The following WT1 variants were observed in gnomAD, a reference collection of about 807,000 sequenced individuals.
WT1 encodes the protein Wilms tumor protein.
A neutral mutation model predicts 60.8 loss-of-function variants in WT1; 8 were observed. The observed-to-expected ratio is 0.13, with a 90% CI of 0.08 to 0.24. WT1 has a LOEUF of 0.24. WT1 is among the 10% of genes least tolerant of loss of function. The pLI, the probability that WT1 is intolerant of heterozygous loss-of-function variation, is 1.00. For missense variants in WT1, 568 were observed against 711.8 expected, an observed-to-expected ratio of 0.80 and a Z score of 2.30; for synonymous variants, 312 against 297.1, an observed-to-expected ratio of 1.05 and a Z score of -0.52.
At chr11:32,413,636 C>A (rs1273167623) in intron 5 of WT1, among the ~76,000 whole-genome samples, 1 of 152,144 alleles carries the variant, frequency 6.6e-6, no homozygotes, top group African/African-American at 2.4e-5. Flanking sequence ...TCTAGTACAT[C>A]ACAATCAGCA....
At chr11:32,416,835 T>C (rs1852689648) in intron 4 of WT1, among the ~76,000 whole-genome samples, 1 of 152,106 alleles carries the variant, frequency 6.6e-6, no homozygotes, top group African/African-American at 2.4e-5. Flanking sequence ...TTGGTTTACT[T>C]ATCTGTAAAC....
chr11:32,434,182 C>T (rs959513209), intron 1 of WT1, among the ~76,000 whole-genome samples: 2 of 152,250 alleles, frequency 1.3e-5, no homozygotes, highest in Middle Eastern at 3.2e-3. Flanking sequence ...TAAGTGTGTG[C>T]CAACACCGTA....
intron 4 of WT1, among the ~76,000 whole-genome samples, chr11:32,416,773 G>A (rs2133033962): frequency 6.6e-6 from 1 of 152,310 alleles, no homozygotes; most frequent in South Asian, 2.1e-4. Flanking sequence ...TGGCATCCCA[G>A]CTCTAGCACT....
chr11:32,391,278 G>A lies in WT1; in HGVS notation c.1447+694C>T, dbSNP rs550687286. 2.4e-4 allele frequency among the ~76,000 whole-genome samples: 36 copies of A among 152,242 alleles called. No homozygotes were observed. The South Asian group carries it at 2.5e-3, about 11-fold the overall frequency. The stretch of plus-strand genomic sequence containing the variant: ...ATTACAGGCATGAGCCACCACAGCC[G>A]GTCCTACCTTACTCTACTTACAAGC... On this transcript the variant is annotated intron_variant, in intron 9 of 9. Coordinates refer to ENST00000452863, the MANE Select transcript of WT1 (RefSeq NM_024426.6).
At chr11:32,414,093 G>A (rs967804856) in intron 5 of WT1, among the ~76,000 whole-genome samples, 2 of 152,162 alleles carry the variant, frequency 1.3e-5, no homozygotes, top group African/African-American at 2.4e-5. Flanking sequence ...GCGGAAATTC[G>A]TGGATTTACA....
intron 3 of WT1, among the ~76,000 whole-genome samples, chr11:32,419,700 A>G (rs902326091): frequency 2.0e-5 from 3 of 152,134 alleles, no homozygotes; most frequent in South Asian, 4.1e-4. Flanking sequence ...GAAAATAAAC[A>G]TTTTTTTCCG....
In WT1 at chr11:32,396,307, T is replaced by C; in HGVS notation, c.1214A>G (p.Lys405Arg). ...TAAGTGGGACAGCTTAAAATATCTC[T>C]TATTGCAGCCTGGGTAAGCACACAT... Residue 405 changes from lysine (K) to arginine (R), a missense_variant, in exon 7 of 10, where the codon AAG (lysine) becomes AGG (arginine). Physicochemically the swap from Lys to Arg is conservative, Grantham distance 26. This residue lies in a region of WT1 where 523 missense variants were observed against 565.1 expected (regional missense o/e 0.93). Coordinates refer to ENST00000452863, the MANE Select transcript of WT1 (RefSeq NM_024426.6). The C allele has an allele frequency of 1.2e-6, 2 of 1,614,120 alleles. No individual in the cohort carries two copies. Among genetic ancestry groups the C allele is most frequent in the East Asian group, 4.5e-5 (2 of 44,874 alleles).
chr11:32,402,297 A>G (rs1852181689), intron 5 of WT1, among the ~76,000 whole-genome samples: 1 of 152,230 alleles, frequency 6.6e-6, no homozygotes, highest in Admixed American at 6.5e-5. Flanking sequence ...GCCAAACCCA[A>G]AGAACATATG....
chr11:32,433,630 C>T (rs930347798), intron 1 of WT1, among the ~76,000 whole-genome samples: 1 of 152,242 alleles, frequency 6.6e-6, no homozygotes, highest in Admixed American at 6.5e-5. Context: ...ACCGAACTGG[C>T]TTAGGTTCTC....
chr11:32,425,938 C>G (rs1853020553), intron 3 of WT1, among the ~76,000 whole-genome samples: 1 of 152,180 alleles, frequency 6.6e-6, no homozygotes, highest in Admixed American at 6.5e-5. Context: ...TCCCTAGCAA[C>G]CACAAAATCA....
chr11:32,416,120 T>C (rs1852660584), intron 5 of WT1, among the ~76,000 whole-genome samples: 1 of 152,134 alleles, frequency 6.6e-6, no homozygotes, highest in Admixed American at 6.5e-5. Flanking sequence ...GATTTAAAGG[T>C]AAATAAAGAA....
At chr11:32,414,012 A>G (rs1056366628) in intron 5 of WT1, among the ~76,000 whole-genome samples, 4 of 152,240 alleles carry the variant, frequency 2.6e-5, no homozygotes, top group African/African-American at 9.6e-5. Context: ...GGAAACATGT[A>G]CAGCCCCTCA....
At position 32,388,284 on chromosome 11, in the gene WT1, T is replaced by G. The variant is rs184847211; in HGVS notation, c.*774A>C. On this transcript the variant is annotated 3_prime_UTR_variant, in exon 10 of 10. Coordinates refer to ENST00000452863, the MANE Select transcript of WT1 (RefSeq NM_024426.6). ...TCCCCTCCATTTGTGCAAGGAGGTA[T>G]GTACATCTATAAAGACACATATGAT... 2.1e-5 allele frequency: 5 copies of G among 233,760 alleles called. No homozygotes were observed. The highest frequency in any genetic ancestry group is 4.2e-5 in the Non-Finnish European group (5 of 118,096). 14.5% of individuals were successfully genotyped at this position (233,760 alleles called of 1,614,324 possible). A position where few individuals can be genotyped will look rare whatever the true frequency, so the allele number is the denominator to read the frequency against.
rs1172798462 is a variant in WT1 at position 32,435,524 on chromosome 11, C to T, written c.-164G>A. The T allele has an allele frequency of 1.9e-5, 21 of 1,108,260 alleles. No individual in the cohort carries two copies. Among genetic ancestry groups the T allele is most frequent in the Non-Finnish European group, 2.6e-5 (21 of 793,734 alleles). 68.7% of individuals were successfully genotyped at this position (1,108,260 alleles called of 1,614,324 possible). A position where few individuals can be genotyped will look rare whatever the true frequency, so the allele number is the denominator to read the frequency against. ...CGGGTGTGGGCGCTGCCTTGAACTC[C>T]TTACCCCAGCTGCCTGGCTGCCCTC... On this transcript the variant is annotated 5_prime_UTR_variant, in exon 1 of 10. Coordinates refer to ENST00000452863, the MANE Select transcript of WT1 (RefSeq NM_024426.6).
intron 5 of WT1, among the ~76,000 whole-genome samples, chr11:32,406,965 G>A (rs867363224): frequency 2.6e-5 from 4 of 152,070 alleles, no homozygotes; most frequent in Non-Finnish European, 5.9e-5. Context: ...CGGGTGGGGT[G>A]GTGGGCGCCT....
At chr11:32,411,514 A>G (rs1485304079) in intron 5 of WT1, among the ~76,000 whole-genome samples, 1 of 152,212 alleles carries the variant, frequency 6.6e-6, no homozygotes, top group Non-Finnish European at 1.5e-5. Flanking sequence ...ATTTTGTGCA[A>G]CATCATTATC....
chr11:32,430,040 G>T (rs1186846712), intron 1 of WT1, among the ~76,000 whole-genome samples: 2 of 151,568 alleles, frequency 1.3e-5, no homozygotes, highest in African/African-American at 4.9e-5. Context: ...GCATGAGCCT[G>T]GAGGGTGGTG....
At chr11:32,400,162 G>T (rs1852110300) in intron 5 of WT1, 118 bp from the exon 6 acceptor site, 17 of 1,308,238 alleles carry the variant, frequency 1.3e-5, no homozygotes, top group Non-Finnish European at 1.8e-5. Context: ...AAAATAGTTG[G>T]TTTTTGCCTC....
At position 32,435,082 on chromosome 11, in the gene WT1, G is replaced by A. The variant is rs1590410564; in HGVS notation, c.279C>T (p.Gly93=). ...TCACAGGCAGGGCACAGCCGCCGCC[G>A]CCACCCAGGGAGGGGACGGCGGGCA... Residue 93 remains glycine (G), a synonymous_variant, in exon 1 of 10, where the codon GGC becomes GGT. Coordinates refer to ENST00000452863, the MANE Select transcript of WT1 (RefSeq NM_024426.6). 5.4e-6 allele frequency: 8 copies of A among 1,491,630 alleles called. No homozygotes were observed. The highest frequency in any genetic ancestry group is 1.3e-5 in the South Asian group (1 of 79,050). 92.4% of individuals were successfully genotyped at this position (1,491,630 alleles called of 1,614,324 possible). A position where few individuals can be genotyped will look rare whatever the true frequency, so the allele number is the denominator to read the frequency against.
Sources: allele counts gnomAD v4.1 joint callset (sites outside exome capture counted in the v4.1 genomes callset), GRCh38; gene constraint gnomAD v4.1.1; regional missense constraint gnomAD v4.1.1; transcripts MANE v1.5; gene names NCBI Gene and HGNC (gene_info 2026-07-23, HGNC 2026-07-21).